The following KCNN2 variants were observed in gnomAD, a reference collection of about 807,000 sequenced individuals.
KCNN2 encodes the protein small conductance calcium-activated potassium channel protein 2.
In KCNN2, 24 loss-of-function variants were observed where a neutral mutation model predicts 55.5. That is an observed-to-expected ratio of 0.43 (90% CI 0.31 to 0.61). The LOEUF is 0.61. KCNN2 is among the 20% of genes least tolerant of loss of function. KCNN2 has a pLI of 0.08. For missense variants in KCNN2, 754 were observed against 853.6 expected (o/e 0.88, Z 1.45); for synonymous variants, 431 against 336.1 (o/e 1.28, Z -3.09).
At chr5:114,123,351 A>ATTTTTTTTTTTT (rs1172994171) in intron 1 of KCNN2, among the ~76,000 whole-genome samples, 1 of 65,008 alleles carries the variant, frequency 1.5e-5, no homozygotes, top group Non-Finnish European at 2.9e-5. Flanking sequence ...CATTTTCTTA[A>ATTTTTTTTTTTT]TTTTTTTTTT....
chr5:114,079,087 T>TTCCTAACAA (rs939365723), intron 1 of KCNN2, among the ~76,000 whole-genome samples: 1 of 152,166 alleles, frequency 6.6e-6, no homozygotes, highest in African/African-American at 2.4e-5. Flanking sequence ...TATACCCTAA[T>TTCCTAACAA]TCCTAACAAT....
At chr5:114,390,731 G>C (rs1758427780) in intron 2 of KCNN2, among the ~76,000 whole-genome samples, 1 of 152,066 alleles carries the variant, frequency 6.6e-6, no homozygotes, top group South Asian at 2.1e-4. Flanking sequence ...TGCTTTCTGT[G>C]ATGTCAGTTC....
chr5:114,188,676 A>T lies in KCNN2; in HGVS notation c.-270-32804A>T, dbSNP rs537264790. Reference sequence around the variant, plus strand: ...TGGCAGAATTCTTATGCAATAACTAATTAAAAATGAAATGGTAAGATAAAA... The same window carrying T: ...TGGCAGAATTCTTATGCAATAACTATTTAAAAATGAAATGGTAAGATAAAA... On this transcript the variant is annotated intron_variant, in intron 1 of 10. Coordinates refer to the KCNN2 transcript ENST00000512097. 1.2e-4 allele frequency among the ~76,000 whole-genome samples: 19 copies of T among 152,266 alleles called. 1 individual carries two copies. In the South Asian group the frequency reaches 3.5e-3, roughly 28 times the overall value.
chr5:114,257,218 G>A (rs975165451), intron 2 of KCNN2, among the ~76,000 whole-genome samples: 3 of 152,054 alleles, frequency 2.0e-5, no homozygotes, highest in African/African-American at 7.2e-5. Flanking sequence ...ATTGAGCTAT[G>A]TGTCTACTTT....
intron 1 of KCNN2, among the ~76,000 whole-genome samples, chr5:114,109,174 C>T (rs1364318603): frequency 6.6e-6 from 1 of 152,180 alleles, no homozygotes; most frequent in East Asian, 1.9e-4. Flanking sequence ...TTCAGGTCCT[C>T]ATGGATTGTT....
intron 1 of KCNN2, among the ~76,000 whole-genome samples, chr5:114,152,993 A>G (rs1752556873): frequency 6.6e-6 from 1 of 152,174 alleles, no homozygotes; most frequent in Non-Finnish European, 1.5e-5. Context: ...ATAGTGATGA[A>G]GAGAAATAAA....
At chr5:114,423,369 A>G (rs969820262) in intron 3 of KCNN2, among the ~76,000 whole-genome samples, 5 of 152,242 alleles carry the variant, frequency 3.3e-5, no homozygotes, top group African/African-American at 1.2e-4. Context: ...GAAGAAAAAC[A>G]GAATGGTACG....
intron 2 of KCNN2, among the ~76,000 whole-genome samples, chr5:114,261,694 G>A (rs1028714822): frequency 5.3e-5 from 8 of 152,182 alleles, no homozygotes; most frequent in Admixed American, 5.2e-4. Flanking sequence ...CTCCACCTAT[G>A]TATTGCCAAA....
At chr5:114,150,112 T>C (rs1356632118) in intron 1 of KCNN2, among the ~76,000 whole-genome samples, 2 of 152,234 alleles carry the variant, frequency 1.3e-5, no homozygotes, top group Admixed American at 6.5e-5. Flanking sequence ...TGGCTCATTC[T>C]GGCAGTCCAA....
At chr5:114,137,893 ATTTGTT>A (rs1034483676) in intron 1 of KCNN2, among the ~76,000 whole-genome samples, 8 of 152,182 alleles carry the variant, frequency 5.3e-5, no homozygotes, top group African/African-American at 1.4e-4. Context: ...CCAGTAAAGT[ATTTGTT>A]TTTAACTAGT....
chr5:114,366,406 T>C (rs1757603987), intron 2 of KCNN2, among the ~76,000 whole-genome samples: 1 of 152,216 alleles, frequency 6.6e-6, no homozygotes, highest in African/African-American at 2.4e-5. Flanking sequence ...TCATGTCATT[T>C]AATTAATTTG....
chr5:114,116,129 T>C (rs1751704292), intron 1 of KCNN2, among the ~76,000 whole-genome samples: 2 of 151,982 alleles, frequency 1.3e-5, no homozygotes, highest in African/African-American at 4.8e-5. Context: ...GAAGTGGTAG[T>C]GGAATGCTTC....
intron 3 of KCNN2, among the ~76,000 whole-genome samples, chr5:114,444,513 G>A (rs1304898137): frequency 6.6e-6 from 1 of 152,086 alleles, no homozygotes; most frequent in Non-Finnish European, 1.5e-5. Flanking sequence ...AATTAAGATT[G>A]GAGTGGCAAG....
intron 1 of KCNN2, among the ~76,000 whole-genome samples, chr5:114,363,704 T>A (rs1757518772): frequency 6.6e-6 from 1 of 152,172 alleles, no homozygotes; most frequent in East Asian, 1.9e-4. Flanking sequence ...CTTCCCAGTC[T>A]TTCCAGGTCT....
intron 1 of KCNN2, among the ~76,000 whole-genome samples, chr5:114,141,728 C>T (rs1196333061): frequency 2.0e-5 from 3 of 152,206 alleles, no homozygotes; most frequent in Non-Finnish European, 4.4e-5. Flanking sequence ...AATGGTTGAA[C>T]TAGTTTACAC....
chr5:114,353,048 T>C (rs1479045561), intron 2 of KCNN2, among the ~76,000 whole-genome samples: 2 of 151,978 alleles, frequency 1.3e-5, no homozygotes, highest in Non-Finnish European at 2.9e-5. Flanking sequence ...GTTTGCTTCA[T>C]GTATCTTGGG....
At chr5:114,294,778 A>G (rs1161853331) in intron 2 of KCNN2, among the ~76,000 whole-genome samples, 1 of 152,118 alleles carries the variant, frequency 6.6e-6, no homozygotes, top group Non-Finnish European at 1.5e-5. Context: ...GATCTGTCTA[A>G]TGTTGACAGT....
intron 3 of KCNN2, among the ~76,000 whole-genome samples, chr5:114,422,375 CTG>C (rs1344493446): frequency 1.3e-5 from 2 of 152,152 alleles, no homozygotes; most frequent in Non-Finnish European, 2.9e-5. Flanking sequence ...GCCCCTTGCT[CTG>C]TGAGGACACA....
exon 1 of KCNN2, chr5:114,056,344 T>A (rs1252751121): frequency 2.5e-6 from 1 of 398,474 alleles, no homozygotes; most frequent in Non-Finnish European, 4.4e-6. Context: ...TCCTGATTCT[T>A]CTCAGATGGA....
Sources: allele counts gnomAD v4.1 joint callset (sites outside exome capture counted in the v4.1 genomes callset), GRCh38; gene constraint gnomAD v4.1.1; transcripts MANE v1.5; gene names NCBI Gene and HGNC (gene_info 2026-07-23, HGNC 2026-07-21).